Variants in DMD observed in about 807,000 individuals in gnomAD.
The protein encoded by DMD is dystrophin.
DMD carries 63 observed loss-of-function variants against 330.1 expected under a neutral mutation model. The ratio of observed to expected loss-of-function variants is 0.19; its 90% CI spans 0.16 to 0.24. The LOEUF is 0.24. DMD is among the 10% of genes least tolerant of loss of function. DMD has a pLI of 1.00. For missense variants in DMD, 3,344 were observed against 2,684.1 expected (o/e 1.25, Z -5.43); for synonymous variants, 1,223 against 959.8 (o/e 1.27, Z -5.07).
intron 55 of DMD, among the ~76,000 whole-genome samples, chrX:31,510,799 A>T (rs538947895): frequency 3.6e-5 from 4 of 110,555 alleles, no homozygotes; most frequent in South Asian, 7.6e-4. Flanking sequence ...GTGAGCCACC[A>T]CACCTGGCCC....
chrX:33,040,577 A>G (rs1378259049), intron 1 of DMD, among the ~76,000 whole-genome samples: 1 of 111,190 alleles, frequency 9.0e-6, no homozygotes, highest in East Asian at 2.8e-4. Flanking sequence ...GCAGCAGCCC[A>G]TCAGTGGAGG....
rs182220654 is a variant in DMD, at chrX:32,213,347, C to G, written c.6438+3569G>C. 3.4e-3 allele frequency among the ~76,000 whole-genome samples: 385 copies of G among 112,360 alleles called. 3 individuals are homozygous for G. The highest frequency in any genetic ancestry group is 0.01 in the African/African-American group (315 of 30,968). ...ACAAAGGCCAAGATAGCAGAAATTACCAAAGCTTTGATTTGCCTTATCGAT... is the reference window on the plus strand; with the variant it reads ...ACAAAGGCCAAGATAGCAGAAATTAGCAAAGCTTTGATTTGCCTTATCGAT... On this transcript the variant is annotated intron_variant, in intron 44 of 78. Coordinates refer to ENST00000357033, the MANE Select transcript of DMD (RefSeq NM_004006.3).
At chrX:31,960,611 C>T (rs776171358) in intron 45 of DMD, among the ~76,000 whole-genome samples, 48 of 111,488 alleles carry the variant, frequency 4.3e-4, no homozygotes, top group Non-Finnish European at 8.3e-4. Flanking sequence ...TCCTACTTTC[C>T]CAGGCACATA....
At chrX:32,372,292 T>C (rs762600619) in intron 34 of DMD, among the ~76,000 whole-genome samples, 7 of 111,972 alleles carry the variant, frequency 6.3e-5, no homozygotes, top group Non-Finnish European at 1.3e-4. Flanking sequence ...ATATCTTATG[T>C]ACATGGGAAA....
At chrX:32,722,292 A>G (rs1389290957) in intron 7 of DMD, among the ~76,000 whole-genome samples, 2 of 111,188 alleles carry the variant, frequency 1.8e-5, no homozygotes, top group African/African-American at 6.5e-5. Context: ...AAAACTCAAT[A>G]CAACAACAAA....
intron 48 of DMD, among the ~76,000 whole-genome samples, chrX:31,854,038 T>A (rs963813097): frequency 3.6e-5 from 4 of 111,861 alleles, no homozygotes; most frequent in Non-Finnish European, 5.6e-5. Flanking sequence ...TTGCTACGCA[T>A]ACTCATCCTA....
chrX:32,947,775 C>G (rs1385680956), intron 2 of DMD, among the ~76,000 whole-genome samples: 1 of 110,403 alleles, frequency 9.1e-6, no homozygotes, highest in Non-Finnish European at 1.9e-5. Context: ...AACATTTTAC[C>G]CAGGCCTCTA....
intron 7 of DMD, among the ~76,000 whole-genome samples, chrX:32,759,574 C>A (rs1234535999): frequency 1.8e-5 from 2 of 111,175 alleles, no homozygotes; most frequent in Non-Finnish European, 3.8e-5. Flanking sequence ...ACCTCAATTT[C>A]TCTATGGCAA....
chrX:31,672,604 G>A (rs765870275), intron 53 of DMD, among the ~76,000 whole-genome samples: 1 of 111,489 alleles, frequency 9.0e-6, no homozygotes, highest in South Asian at 3.7e-4. Context: ...CTTTTCTTTG[G>A]ATTGGATTAT....
chrX:31,904,017 G>C lies in DMD; in HGVS notation c.6912+25579C>G, dbSNP rs2094451109. ...AGTTTAAATCAGCATGAGAAGCTTTGCATTAAAACTAAATACATATGAATC... is the reference window on the plus strand; with the variant it reads ...AGTTTAAATCAGCATGAGAAGCTTTCCATTAAAACTAAATACATATGAATC... On this transcript the variant is annotated intron_variant, in intron 47 of 78. Transcript: ENST00000357033. Among the ~76,000 whole-genome samples, 3 of 111,392 alleles carry C rather than the reference G, an allele frequency of 2.7e-5. No homozygotes were observed. The South Asian group carries it at 1.1e-3, about 42-fold the overall frequency.
At chrX:33,129,218 T>A (rs2095482739) in intron 1 of DMD, 1 of 108,449 alleles carries the variant, frequency 9.2e-6, no homozygotes, top group South Asian at 4.2e-4. Flanking sequence ...AAGGACTTCA[T>A]TAACAATATA....
intron 9 of DMD, among the ~76,000 whole-genome samples, chrX:32,658,982 C>T (rs1293150851): frequency 8.9e-6 from 1 of 111,937 alleles, no homozygotes; most frequent in Non-Finnish European, 1.9e-5. Flanking sequence ...GTAAGGCTCA[C>T]AGACAACATA....
chrX:31,292,306 T>A (rs971380261), intron 62 of DMD, among the ~76,000 whole-genome samples: 1 of 111,675 alleles, frequency 9.0e-6, no homozygotes, highest in African/African-American at 3.3e-5. Flanking sequence ...AGAGACTGAA[T>A]AGATACTTCA....
intron 25 of DMD, among the ~76,000 whole-genome samples, chrX:32,463,188 T>C (rs2148416370): frequency 8.9e-6 from 1 of 112,047 alleles, no homozygotes; most frequent in Non-Finnish European, 1.9e-5. Context: ...TAGGATTTCA[T>C]TTTTTAGTAT....
At chrX:32,586,059 C>T (rs1450970431) in intron 13 of DMD, among the ~76,000 whole-genome samples, 1 of 111,345 alleles carries the variant, frequency 9.0e-6, no homozygotes, top group Non-Finnish European at 1.9e-5. Flanking sequence ...TTTATTTATA[C>T]TTGATACAAT....
At chrX:32,198,293 A>C (rs190748795) in intron 44 of DMD, among the ~76,000 whole-genome samples, 2 of 112,118 alleles carry the variant, frequency 1.8e-5, no homozygotes, top group East Asian at 5.6e-4. Context: ...AAGAAAAATT[A>C]TCCAAAACTT....
intron 60 of DMD, among the ~76,000 whole-genome samples, chrX:31,439,287 T>C (rs1344637695): frequency 8.9e-6 from 1 of 111,948 alleles, no homozygotes; most frequent in East Asian, 2.8e-4. Flanking sequence ...GAGTTTTGTT[T>C]AGTATGTCCT....
At chrX:31,499,489 C>CTTTTTTTTTTTTTT (rs774151183) in intron 56 of DMD, among the ~76,000 whole-genome samples, 11 of 83,663 alleles carry the variant, frequency 1.3e-4, no homozygotes, top group African/African-American at 5.0e-4. Flanking sequence ...GAATTCAGTT[C>CTTTTTTTTTTTTTT]TTTTTTTTTT....
At chrX:32,569,346 T>C (rs148147870) in intron 15 of DMD, among the ~76,000 whole-genome samples, 1,400 of 112,226 alleles carry the variant, frequency 0.012, 27 homozygotes, top group African/African-American at 0.041. Flanking sequence ...ACCTATATTA[T>C]GTGTAGTTAC....
Sources: gnomAD v4.1 joint callset for allele counts (sites outside exome capture counted in the v4.1 genomes callset) on GRCh38, gnomAD v4.1.1 for gene constraint, MANE v1.5 for transcripts, NCBI Gene and HGNC (gene_info 2026-07-23, HGNC 2026-07-21) for gene names.